Variants in ERCC6L observed in about 807,000 individuals in gnomAD.
The protein encoded by ERCC6L is ERCC excision repair 6 like, spindle assembly checkpoint helicase.
Under a neutral mutation model 20.1 loss-of-function variants are expected in ERCC6L, and 7 were observed. The ratio of observed to expected loss-of-function variants is 0.35; its 90% CI spans 0.20 to 0.65. The LOEUF (loss-of-function observed/expected upper bound fraction) is 0.65. Ranked by LOEUF, ERCC6L falls within the 30% of genes least tolerant of loss-of-function variation. ERCC6L has a pLI of 0.69. For synonymous variants in ERCC6L, 278 were observed against 331.3 expected (o/e 0.84, Z 1.75); for missense variants, 592 against 892.4 (o/e 0.66, Z 4.29).
At chrX:72,214,625 A>G (rs1182582492) in intron 1 of ERCC6L, among the ~76,000 whole-genome samples, 1 of 104,957 alleles carries the variant, frequency 9.5e-6, no homozygotes, top group Non-Finnish European at 1.9e-5. Context: ...GTGAGCCGAG[A>G]TCATGCCACA....
At chrX:72,234,906 T>C (rs1052064144) in intron 1 of ERCC6L, among the ~76,000 whole-genome samples, 7 of 111,262 alleles carry the variant, frequency 6.3e-5, no homozygotes, top group African/African-American at 2.3e-4. Context: ...GTACAATGGA[T>C]GAGTGAATAC....
At chrX:72,238,682 C>T (rs986715731) in intron 1 of ERCC6L, among the ~76,000 whole-genome samples, 162 bp downstream of exon 1, 5 of 112,942 alleles carry the variant, frequency 4.4e-5, no homozygotes, top group Non-Finnish European at 9.4e-5. Flanking sequence ...TCTGGTCAAA[C>T]ATCCAGAGCT....
rs147848962 is a variant in ERCC6L, at chrX:72,209,254, G to T, written c.69-556C>A. ...TTTAATCTCTCCTCAAGTTTTCCCA[G>T]AGCTTCCGCTCCCACCTATGTGCTC... On this transcript the variant is annotated intron_variant, in intron 1 of 1. Transcript: ENST00000334463. Among the ~76,000 whole-genome samples, 986 of 111,166 alleles carry T rather than the reference G, an allele frequency of 8.9e-3. 7 individuals carry two copies. The highest frequency in any genetic ancestry group is 0.038 in the Admixed American group (398 of 10,396).
intron 1 of ERCC6L, among the ~76,000 whole-genome samples, chrX:72,225,923 C>A (rs1454297823): frequency 1.8e-5 from 2 of 111,842 alleles, no homozygotes; most frequent in Non-Finnish European, 3.8e-5. Flanking sequence ...AAGGTTGGCC[C>A]CTTTGCTTAA....
chrX:72,222,730 T>G (rs2042931569), intron 1 of ERCC6L, among the ~76,000 whole-genome samples: 1 of 108,561 alleles, frequency 9.2e-6, no homozygotes, highest in Non-Finnish European at 1.9e-5. Flanking sequence ...CCTGAGTAGC[T>G]GGGATTACAG....
intron 1 of ERCC6L, among the ~76,000 whole-genome samples, chrX:72,220,728 G>GC (rs1452330417): frequency 9.0e-6 from 1 of 111,121 alleles, no homozygotes; most frequent in Non-Finnish European, 1.9e-5. Flanking sequence ...CTTGTGATAA[G>GC]CCCCCTCACC....
intron 1 of ERCC6L, among the ~76,000 whole-genome samples, chrX:72,209,099 C>T (rs910966407): frequency 1.8e-5 from 2 of 111,397 alleles, no homozygotes; most frequent in Non-Finnish European, 3.8e-5. Flanking sequence ...GATCACTCCC[C>T]TCCCCTCTTA....
intron 1 of ERCC6L, among the ~76,000 whole-genome samples, chrX:72,212,649 G>A (rs1387274361): frequency 8.9e-6 from 1 of 112,533 alleles, no homozygotes; most frequent in Non-Finnish European, 1.9e-5. Context: ...ATTTTAGAAT[G>A]TGAAGAGACA....
At chrX:72,209,931 C>T (rs2042842916) in intron 1 of ERCC6L, among the ~76,000 whole-genome samples, 1 of 110,692 alleles carries the variant, frequency 9.0e-6, no homozygotes, top group Non-Finnish European at 1.9e-5. Flanking sequence ...CAAAAATTAA[C>T]TCAAAATGGA....
At chrX:72,237,232 C>T (rs991645487) in intron 1 of ERCC6L, among the ~76,000 whole-genome samples, 1 of 111,632 alleles carries the variant, frequency 9.0e-6, no homozygotes, top group Non-Finnish European at 1.9e-5. Flanking sequence ...CATGGTGGCC[C>T]ACGTCTGTAA....
chrX:72,210,681 C>G (rs1401553176), intron 1 of ERCC6L, among the ~76,000 whole-genome samples: 2 of 111,374 alleles, frequency 1.8e-5, no homozygotes, highest in Non-Finnish European at 3.8e-5. Context: ...TTTTAAATGG[C>G]AACTGTGTGC....
At position 72,208,023 on chromosome X, in the gene ERCC6L, A is replaced by G. The variant is rs766505796; in HGVS notation, c.744T>C (p.Pro248=). 9.9e-6 allele frequency: 12 copies of G among 1,211,690 alleles called. No individual in the cohort carries two copies. Among genetic ancestry groups the G allele is most frequent in the South Asian group, 7.0e-5 (4 of 56,958 alleles). Residue 248 remains proline, a synonymous_variant, in exon 2 of 2, where the codon CCT becomes CCC. Coordinates refer to ENST00000334463, the MANE Select transcript of ERCC6L (RefSeq NM_017669.4). ...TKSAICARAI[P]ASNRLLLTGT... is the part of the protein sequence containing the mutation. ...CTGTGAGGAGGAGGCGATTACTTGC[A>G]GGAATAGCACGAGCACATATTGCTG...
chrX:72,220,092 A>G (rs992229745), intron 1 of ERCC6L, among the ~76,000 whole-genome samples: 2 of 110,472 alleles, frequency 1.8e-5, no homozygotes, highest in Non-Finnish European at 3.8e-5. Flanking sequence ...GATTTTGTCA[A>G]ATGTTTTTTT....
intron 1 of ERCC6L, among the ~76,000 whole-genome samples, chrX:72,228,310 C>T (rs186802530): frequency 8.9e-6 from 1 of 112,079 alleles, no homozygotes; most frequent in Non-Finnish European, 1.9e-5. Flanking sequence ...TTCTTTATGG[C>T]ACCAGGGAAC....
intron 1 of ERCC6L, among the ~76,000 whole-genome samples, chrX:72,216,393 A>C (rs781424089): frequency 9.8e-5 from 11 of 112,051 alleles, no homozygotes; most frequent in Non-Finnish European, 2.1e-4. Context: ...AGTTTCCATA[A>C]CTGTGACAGA....
chrX:72,222,062 C>T (rs2042926379), intron 1 of ERCC6L, among the ~76,000 whole-genome samples: 1 of 109,855 alleles, frequency 9.1e-6, no homozygotes, highest in Non-Finnish European at 1.9e-5. Context: ...AGCCCCAAAC[C>T]CCACTCCTCC....
At chrX:72,218,504 T>C (rs1268019295) in intron 1 of ERCC6L, among the ~76,000 whole-genome samples, 2 of 108,017 alleles carry the variant, frequency 1.9e-5, no homozygotes, top group Admixed American at 9.9e-5. Context: ...TCTTTTTTTT[T>C]TTTTTGGAAA....
rs749542997 is a variant in ERCC6L at position 72,238,948 on chromosome X, TTTGGAGCTTGGAGCTTGGAGC to T, written c.-58_-38del. The T allele has an allele frequency of 1.3e-5, 15 of 1,114,450 alleles. No homozygotes were observed. The highest frequency in any genetic ancestry group is 1.7e-5 in the Non-Finnish European group (14 of 823,067). 91.8% of individuals were successfully genotyped at this position (1,114,450 alleles called of 1,213,427 possible). On this transcript the variant is annotated 5_prime_UTR_variant, in exon 1 of 2. Transcript: ENST00000334463. ...TGGGTTCCAGTTACCCCGGCGGGAG[TTTGGAGCTTGGAGCTTGGAGC>T]TTGGAGCTTGGAGCTTAGAGTTTGG...
intron 1 of ERCC6L, among the ~76,000 whole-genome samples, chrX:72,212,127 A>T (rs2042858435): frequency 9.1e-6 from 1 of 109,936 alleles, no homozygotes; most frequent in Non-Finnish European, 1.9e-5. Flanking sequence ...ATACAAAAAA[A>T]TTAGCCGGGC....
Sources: allele counts gnomAD v4.1 joint callset (sites outside exome capture counted in the v4.1 genomes callset), GRCh38; gene constraint gnomAD v4.1.1; transcripts MANE v1.5; gene names NCBI Gene and HGNC (gene_info 2026-07-23, HGNC 2026-07-21).